FRMD3: variants seen among roughly 807,000 people sequenced by gnomAD.
The protein encoded by FRMD3 is FERM domain-containing protein 3.
In FRMD3, 33 loss-of-function variants were observed where a neutral mutation model predicts 70.2. The observed-to-expected ratio is 0.47, with a 90% CI of 0.36 to 0.63. The LOEUF (loss-of-function observed/expected upper bound fraction) is 0.63. Ranked by LOEUF, FRMD3 falls within the 20% of genes least tolerant of loss-of-function variation. The pLI is 0.00. For synonymous variants in FRMD3, 279 were observed against 255.9 expected (o/e 1.09, Z -0.86); for missense variants, 632 against 711.4 (o/e 0.89, Z 1.27).
intron 10 of FRMD3, among the ~76,000 whole-genome samples, chr9:83,300,530 C>T (rs1834870804): frequency 6.6e-6 from 1 of 152,140 alleles, no homozygotes; most frequent in African/African-American, 2.4e-5. Context: ...ATATAATGGA[C>T]TTTATAGACT....
At chr9:83,311,474 T>A (rs1383228070) in intron 8 of FRMD3, among the ~76,000 whole-genome samples, 1 of 152,074 alleles carries the variant, frequency 6.6e-6, no homozygotes, top group Non-Finnish European at 1.5e-5. Context: ...ATACACTGGA[T>A]AACAAAGGGT....
Position 83,299,601 on chromosome 9 carries a change from C to T in FRMD3, c.927-415G>A, listed in dbSNP as rs1234672295. 3.3e-5 allele frequency among the ~76,000 whole-genome samples: 5 copies of T among 152,158 alleles called. No homozygotes were observed. The East Asian group carries it at 9.7e-4, about 29-fold the overall frequency. ...TTGTTAGGGCACTTTGCTGCCTATT[C>T]CTGTATCCACAGTGAGGCAGAAAAC... On this transcript the variant is annotated intron_variant, in intron 10 of 13. Transcript: ENST00000304195.
intron 1 of FRMD3, among the ~76,000 whole-genome samples, chr9:83,425,855 C>G (rs1186982606): frequency 1.5e-5 from 2 of 137,332 alleles, no homozygotes; most frequent in Non-Finnish European, 3.0e-5. Context: ...TGCAGTGAGC[C>G]GAGATCATGC....
At chr9:83,551,218 C>CCTT in the FRMD3 span, among the ~76,000 whole-genome samples, 1 of 152,160 alleles carries the variant, frequency 6.6e-6, no homozygotes, top group Non-Finnish European at 1.5e-5. Context: ...GCCTTTTCTG[C>CCTT]ATCTATTAAG....
At chr9:83,518,459 A>T (rs1829500267) in intron 1 of FRMD3, among the ~76,000 whole-genome samples, 1 of 152,228 alleles carries the variant, frequency 6.6e-6, no homozygotes. Context: ...TTGAAGGAGA[A>T]CTACAAACCA....
At chr9:83,456,269 G>A (rs758870629) in intron 1 of FRMD3, among the ~76,000 whole-genome samples, 3 of 152,030 alleles carry the variant, frequency 2.0e-5, no homozygotes, top group South Asian at 2.1e-4. Flanking sequence ...TTTAATGGCC[G>A]CATCCATTGT....
chr9:83,302,408 C>G (rs993259803), intron 10 of FRMD3, among the ~76,000 whole-genome samples: 1 of 152,198 alleles, frequency 6.6e-6, no homozygotes, highest in African/African-American at 2.4e-5. Context: ...GGTCCAGATT[C>G]CTATTCACGT....
chr9:83,334,113 C>T (rs563338862), intron 6 of FRMD3, among the ~76,000 whole-genome samples: 1 of 152,250 alleles, frequency 6.6e-6, no homozygotes, highest in South Asian at 2.1e-4. Flanking sequence ...CAGGGATTCT[C>T]ACCCTGTGCT....
chr9:83,445,960 T>C (rs1217106340), intron 1 of FRMD3, among the ~76,000 whole-genome samples: 2 of 152,218 alleles, frequency 1.3e-5, no homozygotes, highest in Non-Finnish European at 2.9e-5. Flanking sequence ...TCTCTTCAGA[T>C]ATTATCTCAT....
intron 6 of FRMD3, among the ~76,000 whole-genome samples, chr9:83,330,758 T>C (rs1836226725): frequency 6.6e-6 from 1 of 152,248 alleles, no homozygotes. Flanking sequence ...AGAGACCGTA[T>C]GACCCAGAAA....
At chr9:83,431,323 C>G (rs1178197262) in intron 1 of FRMD3, among the ~76,000 whole-genome samples, 1 of 152,164 alleles carries the variant, frequency 6.6e-6, no homozygotes, top group East Asian at 1.9e-4. Flanking sequence ...GCTCATTATT[C>G]CCATGTGGAT....
chr9:83,400,251 C>A (rs1426492912), intron 1 of FRMD3, among the ~76,000 whole-genome samples: 1 of 152,054 alleles, frequency 6.6e-6, no homozygotes, highest in Non-Finnish European at 1.5e-5. Flanking sequence ...TATAGACCAG[C>A]AATGAACAAT....
At chr9:83,423,383 C>T (rs3860918) in intron 1 of FRMD3, among the ~76,000 whole-genome samples, 19,873 of 151,878 alleles carry the variant, frequency 0.13, 1,515 homozygotes, top group South Asian at 0.29. Flanking sequence ...CCAGAACATG[C>T]GGTGGTAACC....
At chr9:83,478,617 T>C (rs771517711) in intron 1 of FRMD3, among the ~76,000 whole-genome samples, 28 of 152,032 alleles carry the variant, frequency 1.8e-4, no homozygotes, top group Non-Finnish European at 2.6e-4. Context: ...AAACACAGAA[T>C]TACCATAGGA....
At position 83,496,051 on chromosome 9, in the gene FRMD3, A is replaced by T. The variant is rs1587476246; in HGVS notation, c.147+42034T>A. 2.6e-5 allele frequency among the ~76,000 whole-genome samples: 4 copies of T among 152,350 alleles called. No individual in the cohort carries two copies. The South Asian group carries it at 6.2e-4, about 24-fold the overall frequency. On this transcript the variant is annotated intron_variant, in intron 1 of 13. Transcript: ENST00000304195. The stretch of plus-strand genomic sequence containing the variant: ...ATCCATAAGCTAGTACTTTAGAAGT[A>T]TGAGACCTTCTTACACTAGCATAAT...
chr9:83,582,177 T>C, the FRMD3 span, among the ~76,000 whole-genome samples: 3 of 152,046 alleles, frequency 2.0e-5, no homozygotes, highest in Non-Finnish European at 1.5e-5. Context: ...GCTCAAGTGA[T>C]CCTCCCACCT....
In FRMD3 at chr9:83,538,294, C is replaced by A; in HGVS notation, c.-63G>T. Reference sequence around the variant, plus strand: ...CCGGCGCGGTGCTCGCCTGCGCGGACACACACGCTCGCACGCACTGTCCGG... The same window carrying A: ...CCGGCGCGGTGCTCGCCTGCGCGGAAACACACGCTCGCACGCACTGTCCGG... On this transcript the variant is annotated 5_prime_UTR_variant, in exon 1 of 14. Transcript: ENST00000304195. The surrounding 1 kb of genome is among the most constrained non-coding windows in gnomAD (Gnocchi z 4.7). 2 of 1,498,648 alleles carry A rather than the reference C, an allele frequency of 1.3e-6. No individual in the cohort carries two copies. Among genetic ancestry groups the A allele is most frequent in the South Asian group, 1.3e-5 (1 of 78,736 alleles). The allele number at this position is 1,498,648 out of a possible 1,614,324, so 92.8% of individuals were successfully genotyped here.
intron 1 of FRMD3, among the ~76,000 whole-genome samples, chr9:83,481,156 A>G (rs1030866052): frequency 6.6e-6 from 1 of 152,230 alleles, no homozygotes; most frequent in Non-Finnish European, 1.5e-5. Flanking sequence ...TGAAGGGCAC[A>G]TATAGTTAGA....
In FRMD3 at chr9:83,479,774, G is replaced by A. The variant is rs1279353648; in HGVS notation, c.147+58311C>T. On this transcript the variant is annotated intron_variant, in intron 1 of 13. Transcript: ENST00000304195. ...AGAGAAGAAGAAGGGAGGGAGGGAG[G>A]GAGGGAGGGAGGGAAGGAAGGAAGG... Among the ~76,000 whole-genome samples the A allele has an allele frequency of 1.6e-4, 9 of 55,996 alleles. 1 individual carries two copies. The highest frequency in any genetic ancestry group is 4.6e-4 in the African/African-American group (4 of 8,664). 36.7% of individuals were successfully genotyped at this position (55,996 alleles called of 152,430 possible).
Sources: gnomAD v4.1 joint callset for allele counts (sites outside exome capture counted in the v4.1 genomes callset) on GRCh38, gnomAD v4.1.1 for gene constraint, Gnocchi (gnomAD v3.1) non-coding constraint, MANE v1.5 for transcripts, NCBI Gene and HGNC (gene_info 2026-07-23, HGNC 2026-07-21) for gene names.